The following PDE3B variants were observed in gnomAD, a reference collection of about 807,000 sequenced individuals.
PDE3B encodes phosphodiesterase 3B.
In PDE3B, 66 loss-of-function variants were observed where a neutral mutation model predicts 116.8. That is an observed-to-expected ratio of 0.56 (90% confidence interval 0.46 to 0.69). The LOEUF (loss-of-function observed/expected upper bound fraction) is 0.69, where lower values mean the gene tolerates loss of function less well. PDE3B is among the 30% of genes least tolerant of loss of function. The pLI is 0.00. For synonymous variants in PDE3B, 595 were observed against 533.6 expected (o/e 1.12, Z -1.59); for missense variants, 1,384 against 1,368.1 (o/e 1.01, Z -0.18).
chr11:14,886,116 A>G, the PDE3B span: 1 of 593,320 alleles, frequency 1.7e-6, no homozygotes, highest in African/African-American at 1.9e-5. Flanking sequence ...TCATTATGCC[A>G]TTCAGTGCCT....
At chr11:14,797,658 G>A (rs1014846821) in intron 4 of PDE3B, among the ~76,000 whole-genome samples, 1 of 152,098 alleles carries the variant, frequency 6.6e-6, no homozygotes, top group African/African-American at 2.4e-5. Flanking sequence ...CTTGTGAGTT[G>A]GATTCCTAGG....
intron 1 of PDE3B, among the ~76,000 whole-genome samples, chr11:14,759,262 A>G (rs1857285147): frequency 6.6e-6 from 1 of 152,182 alleles, no homozygotes. Context: ...CGGCTTTGGT[A>G]TCAGAATGAT....
At chr11:14,893,436 A>G in the PDE3B span, among the ~76,000 whole-genome samples, 1 of 152,240 alleles carries the variant, frequency 6.6e-6, no homozygotes, top group Non-Finnish European at 1.5e-5. Flanking sequence ...AATTACCACC[A>G]ATCTGATGGC....
intron 1 of PDE3B, among the ~76,000 whole-genome samples, chr11:14,758,249 C>G (rs965052522): frequency 1.3e-5 from 2 of 151,128 alleles, no homozygotes; most frequent in Admixed American, 1.3e-4. Context: ...ATGCCTCCAG[C>G]TTTGTTCTTT....
the PDE3B span, among the ~76,000 whole-genome samples, chr11:14,888,046 T>A: frequency 2.6e-5 from 4 of 152,248 alleles, no homozygotes; most frequent in Non-Finnish European, 5.9e-5. Context: ...TTGATATTCC[T>A]ATAGCTTGCT....
intron 1 of PDE3B, among the ~76,000 whole-genome samples, chr11:14,711,009 T>A (rs542302186): frequency 9.0e-4 from 137 of 152,314 alleles, no homozygotes; most frequent in African/African-American, 3.2e-3. Context: ...ACATAGAGGA[T>A]GAATGCCTGG....
Position 14,758,729 on chromosome 11 carries a change from A to G in PDE3B, c.979-13208A>G, listed in dbSNP as rs1423680399. On this transcript the variant is annotated intron_variant, in intron 1 of 15. Transcript: ENST00000282096. ...GCTGAGACGATGGGGTTTTCTAGAT[A>G]TACAATCATGTCGTCTGCAAACAGG... Among the ~76,000 whole-genome samples the G allele has an allele frequency of 3.3e-5, 5 of 151,638 alleles. No individual in the cohort carries two copies. The South Asian group carries it at 1.0e-3, about 31-fold the overall frequency.
At chr11:14,895,194 C>A in the PDE3B span, among the ~76,000 whole-genome samples, 3 of 152,208 alleles carry the variant, frequency 2.0e-5, no homozygotes, top group African/African-American at 7.2e-5. Context: ...GCTCCCCACA[C>A]AGAGTGATGC....
intron 1 of PDE3B, among the ~76,000 whole-genome samples, chr11:14,654,631 T>A (rs1171734260): frequency 6.6e-6 from 1 of 152,198 alleles, no homozygotes; most frequent in Non-Finnish European, 1.5e-5. Context: ...TTATTAACAA[T>A]GTCTTCTAAG....
At chr11:14,814,581 C>G (rs935243836) in intron 5 of PDE3B, among the ~76,000 whole-genome samples, 1 of 152,016 alleles carries the variant, frequency 6.6e-6, no homozygotes, top group Admixed American at 6.6e-5. Context: ...GAAAAATTTC[C>G]GTAACAAGAC....
At chr11:14,770,856 A>G (rs1208823583) in intron 1 of PDE3B, among the ~76,000 whole-genome samples, 2 of 151,708 alleles carry the variant, frequency 1.3e-5, no homozygotes, top group African/African-American at 2.4e-5. Flanking sequence ...ACATGGGTGT[A>G]TTATGTAAAA....
Position 14,831,768 on chromosome 11 carries a change from T to C in PDE3B, c.2085T>C (p.Ile695=). The stretch of plus-strand genomic sequence containing the variant: ...AGATGGGAGAGAAATCAGGAAGGAT[T>C]CTCAGTCAGGTTTGCTTTCAAATAT... The part of the protein sequence containing the change: ...VEKMGEKSGR[I]LSQVMYTLFQ... Residue 695 remains isoleucine (I), a synonymous_variant, in exon 9 of 16, where the codon ATT becomes ATC. Transcript: ENST00000282096. 1 of 1,602,266 alleles carries C rather than the reference T, an allele frequency of 6.2e-7. No individual in the cohort carries two copies. Among genetic ancestry groups the C allele is most frequent in the Non-Finnish European group, 8.5e-7 (1 of 1,173,886 alleles).
chr11:14,867,748 T>A lies in PDE3B; in HGVS notation c.3129T>A (p.Asn1043Lys), dbSNP rs1369825751. The change falls in exon 15 of 16, where the codon AAT becomes AAA. Residue 1043 changes from asparagine (N) to lysine (K), a missense_variant. This residue lies in a region of PDE3B where 428 missense variants were observed against 561.4 expected (regional missense o/e 0.76). Transcript: ENST00000282096. ...LDTEDEEMEN[N>K]LNPKPPRRKS... ...CAGAAGATGAAGAAATGGAAAACAA[T>A]CTAAATCCAAGTAAGAATATAGGGA... is the stretch of plus-strand genomic sequence containing the variant. 2 of 1,605,972 alleles carry A rather than the reference T, an allele frequency of 1.2e-6. No homozygotes were observed. Among genetic ancestry groups the A allele is most frequent in the Admixed American group, 3.3e-5 (2 of 59,958 alleles).
chr11:14,758,535 G>T (rs1372055205), intron 1 of PDE3B, among the ~76,000 whole-genome samples: 2 of 148,882 alleles, frequency 1.3e-5, no homozygotes, highest in African/African-American at 5.1e-5. Flanking sequence ...TTGTAAGTTG[G>T]ATTCCTAGGT....
chr11:14,768,070 TA>T (rs1266283574), intron 1 of PDE3B, among the ~76,000 whole-genome samples: 48 of 147,772 alleles, frequency 3.2e-4, no homozygotes, highest in East Asian at 1.2e-3. Context: ...CCTACCATGT[TA>T]AAAAAAAAAG....
chr11:14,646,962 C>T (rs1370083496), intron 1 of PDE3B, among the ~76,000 whole-genome samples: 2 of 152,026 alleles, frequency 1.3e-5, no homozygotes, highest in Admixed American at 6.5e-5. Flanking sequence ...TTTATACATG[C>T]CTACCTAATA....
intron 2 of PDE3B, among the ~76,000 whole-genome samples, chr11:14,784,048 G>T (rs892431002): frequency 2.0e-5 from 3 of 152,112 alleles, no homozygotes; most frequent in Non-Finnish European, 2.9e-5. Context: ...AAGGGATTTG[G>T]GGTTGTACGC....
intron 1 of PDE3B, among the ~76,000 whole-genome samples, chr11:14,707,272 G>T (rs1182969312): frequency 6.6e-6 from 1 of 151,906 alleles, no homozygotes; most frequent in Non-Finnish European, 1.5e-5. Context: ...GTGGGGACAG[G>T]AGTTCAACTG....
At chr11:14,864,538 C>T (rs1555007769) in intron 14 of PDE3B, among the ~76,000 whole-genome samples, 2 of 152,064 alleles carry the variant, frequency 1.3e-5, no homozygotes, top group Admixed American at 6.5e-5. Context: ...CTAAAATTGA[C>T]CACATAATTG....
Sources: gnomAD v4.1 joint callset for allele counts (sites outside exome capture counted in the v4.1 genomes callset) on GRCh38, gnomAD v4.1.1 for gene constraint, gnomAD v4.1.1 regional missense constraint, MANE v1.5 for transcripts, NCBI Gene and HGNC (gene_info 2026-07-23, HGNC 2026-07-21) for gene names.